Variants in PSME4 observed in about 807,000 individuals in gnomAD.
PSME4 encodes proteasome activator subunit 4.
In PSME4, 89 loss-of-function variants were observed where a neutral mutation model predicts 253.9. That is an observed-to-expected ratio of 0.35 (90% CI 0.30 to 0.42). The LOEUF (loss-of-function observed/expected upper bound fraction) is 0.42. Ranked by LOEUF, PSME4 falls within the 10% of genes least tolerant of loss-of-function variation. The pLI is 1.00. For synonymous variants in PSME4, 851 were observed against 759.2 expected (o/e 1.12, Z -1.99); for missense variants, 2,014 against 2,195.2 (o/e 0.92, Z 1.65).
At chr2:53,896,752 AT>A (rs1680155198) in intron 32 of PSME4, 51 bp downstream of exon 32, 2 of 1,422,146 alleles carry the variant, frequency 1.4e-6, no homozygotes, top group Admixed American at 1.8e-5. Context: ...TGTCAAGAAA[AT>A]TTTCTGAGTT....
rs1423540686 is a variant in PSME4, at chr2:53,932,649, G to A, written c.1050+19C>T. ...CTTTAAAAATTCCAAGCCCTATAATGCAAAACGAAGTTACTCACCAGCCAG... is the reference window on the plus strand; with the variant it reads ...CTTTAAAAATTCCAAGCCCTATAATACAAAACGAAGTTACTCACCAGCCAG... On this transcript the variant is annotated intron_variant, in intron 9 of 46. Coordinates refer to ENST00000404125, the MANE Select transcript of PSME4 (RefSeq NM_014614.3). The A allele has an allele frequency of 6.3e-7, 1 of 1,580,952 alleles. No homozygotes were observed. The highest frequency in any genetic ancestry group is 1.1e-5 in the South Asian group (1 of 90,396).
intron 21 of PSME4, 146 bp from the exon 22 acceptor site, chr2:53,908,986 G>T: frequency 1.8e-6 from 1 of 541,398 alleles, no homozygotes; most frequent in Non-Finnish European, 3.3e-6. Context: ...TTAATGGCTA[G>T]GCATGCTACA....
At position 53,906,839 on chromosome 2, in the gene PSME4, T is replaced by C; in HGVS notation, c.2814A>G (p.Ala938=). The C allele has an allele frequency of 6.2e-7, 1 of 1,613,688 alleles. No homozygotes were observed. Among genetic ancestry groups the C allele is most frequent in the Non-Finnish European group, 8.5e-7 (1 of 1,179,832 alleles). ...RLHGKKQHIR[A]LLIDRVMLQH... ...GTAACATTACTCTATCAATCAACAGTGCTCTGATATGTTGTTTTTTCCCAT... is the reference window on the plus strand; with the variant it reads ...GTAACATTACTCTATCAATCAACAGCGCTCTGATATGTTGTTTTTTCCCAT... Residue 938 remains alanine (A), a synonymous_variant, in exon 25 of 47, where the codon GCA becomes GCG. Coordinates refer to ENST00000404125, the MANE Select transcript of PSME4 (RefSeq NM_014614.3).
intron 20 of PSME4, among the ~76,000 whole-genome samples, chr2:53,912,333 A>G (rs1298789177): frequency 6.6e-6 from 1 of 152,240 alleles, no homozygotes; most frequent in Non-Finnish European, 1.5e-5. Flanking sequence ...TATAGGACAT[A>G]TCTGGGTAGT....
At chr2:53,888,870 T>C in intron 37 of PSME4, 58 bp from the exon 38 acceptor site, 2 of 1,271,530 alleles carry the variant, frequency 1.6e-6, no homozygotes, top group Non-Finnish European at 2.3e-6. Context: ...TGTAAACAAA[T>C]CATACTCAGT....
At chr2:53,906,927 G>C in intron 24 of PSME4, 59 bp from the exon 25 acceptor site, 1 of 1,499,286 alleles carries the variant, frequency 6.7e-7, no homozygotes, top group Non-Finnish European at 9.3e-7. Flanking sequence ...TTCAACAATG[G>C]ATGCCTCTAA....
At chr2:53,909,063 G>GAAAAATAATAATAATA (rs968127020) in intron 21 of PSME4, among the ~76,000 whole-genome samples, 1 of 151,408 alleles carries the variant, frequency 6.6e-6, no homozygotes, top group African/African-American at 2.4e-5. Context: ...TCAAGATAAA[G>GAAAAATAATAATAATA]AAAAATAATA....
intron 29 of PSME4, among the ~76,000 whole-genome samples, chr2:53,898,797 G>A (rs920050211): frequency 4.6e-5 from 7 of 152,104 alleles, no homozygotes; most frequent in African/African-American, 9.7e-5. Context: ...ATCAAGTTAG[G>A]AAGACTCTTG....
rs151141223 is a variant in PSME4, at chr2:53,874,249, T to G, written c.5100+90A>C. The G allele has an allele frequency of 8.8e-3, 11,381 of 1,298,538 alleles. 79 individuals are homozygous for G. The highest frequency in any genetic ancestry group is 0.011 in the South Asian group (819 of 71,252). The allele number at this position is 1,298,538 out of a possible 1,614,324, so 80.4% of individuals were successfully genotyped here. On this transcript the variant is annotated intron_variant, in intron 43 of 46. Coordinates refer to ENST00000404125, the MANE Select transcript of PSME4 (RefSeq NM_014614.3). ...AGTTGAGGTTATAAATATAAACAAT[T>G]GCACCTGGCCGCAAATACTTATTAA...
intron 41 of PSME4, among the ~76,000 whole-genome samples, chr2:53,883,377 G>T (rs548120510): frequency 6.6e-6 from 1 of 152,120 alleles, no homozygotes; most frequent in African/African-American, 2.4e-5. Flanking sequence ...ATGCATGCCC[G>T]TAGTCCCAGC....
intron 20 of PSME4, among the ~76,000 whole-genome samples, chr2:53,914,519 T>A (rs1667968572): frequency 6.6e-6 from 1 of 152,120 alleles, no homozygotes; most frequent in Admixed American, 6.5e-5. Flanking sequence ...AAGAAAAAAA[T>A]TTATCCTTAA....
At chr2:53,933,724 T>A (rs942084532) in intron 8 of PSME4, among the ~76,000 whole-genome samples, 8 of 152,232 alleles carry the variant, frequency 5.3e-5, no homozygotes, top group African/African-American at 1.9e-4. Context: ...CAATGAGAAC[T>A]GTGTGAGAAA....
At chr2:53,927,560 A>ATTT in intron 11 of PSME4, 77 bp from the exon 12 acceptor site, 1 of 992,802 alleles carries the variant, frequency 1.0e-6, no homozygotes, top group Non-Finnish European at 1.6e-6. Flanking sequence ...AACTACAATA[A>ATTT]ATTACCCCAA....
chr2:53,921,181 T>G (rs1668297640), intron 17 of PSME4, 77 bp from the exon 18 acceptor site: 1 of 1,587,952 alleles, frequency 6.3e-7, no homozygotes, highest in Non-Finnish European at 8.5e-7. Flanking sequence ...AAGTTCAATG[T>G]TTGGCCACTA....
intron 9 of PSME4, 65 bp from the exon 10 acceptor site, chr2:53,932,165 C>A: frequency 7.0e-7 from 1 of 1,435,498 alleles, no homozygotes. Context: ...TTCATGGTTG[C>A]TCTCTAGCTT....
In PSME4 at chr2:53,949,228, T is replaced by C. The variant is rs751939747; in HGVS notation, c.298A>G (p.Lys100Glu). The change falls in exon 2 of 47, where the codon AAG becomes GAG. Residue 100 changes from lysine (K) to glutamate (E), a missense_variant. Coordinates refer to ENST00000404125, the MANE Select transcript of PSME4 (RefSeq NM_014614.3). ...ATTGATACCAGCTCATACAATAACTTAATAAAAAGAACATGATCTTCTTTG... is the reference window on the plus strand; with the variant it reads ...ATTGATACCAGCTCATACAATAACTCAATAAAAAGAACATGATCTTCTTTG... ...FSKEDHVLFIKLLYELVSIPK... is the reference protein window; with the variant it reads ...FSKEDHVLFIELLYELVSIPK... The C allele has an allele frequency of 1.9e-6, 3 of 1,610,736 alleles. No individual in the cohort carries two copies. The highest frequency in any genetic ancestry group is 1.7e-5 in the Admixed American group (1 of 59,612).
At position 53,949,252 on chromosome 2, in the gene PSME4, T is replaced by G; in HGVS notation, c.274A>C (p.Lys92Gln). The change falls in exon 2 of 47, where the codon AAA (lysine) becomes CAA (glutamine). Residue 92 changes from lysine to glutamine, a missense_variant. Coordinates refer to ENST00000404125, the MANE Select transcript of PSME4 (RefSeq NM_014614.3). ...YIRLYGRKFS[K>Q]EDHVLFIKLL... The stretch of plus-strand genomic sequence containing the variant: ...TTAATAAAAAGAACATGATCTTCTT[T>G]GCTAAATTTTCTCCCATAAAGTCGA... 6.2e-7 allele frequency: 1 copy of G among 1,605,336 alleles called. No individual in the cohort carries two copies. The highest frequency in any genetic ancestry group is 1.1e-5 in the South Asian group (1 of 88,670).
chr2:53,913,525 C>T (rs1667922986), intron 20 of PSME4, among the ~76,000 whole-genome samples: 1 of 152,162 alleles, frequency 6.6e-6, no homozygotes. Context: ...TTCCCAATAA[C>T]CCTTCCCCTT....
intron 8 of PSME4, 143 bp downstream of exon 8, chr2:53,934,462 T>G: frequency 2.6e-6 from 2 of 780,600 alleles, no homozygotes; most frequent in Non-Finnish European, 3.9e-6. Flanking sequence ...TTGATAAACA[T>G]GAGCTTGCTA....
Sources: allele counts gnomAD v4.1 joint callset (sites outside exome capture counted in the v4.1 genomes callset), GRCh38; gene constraint gnomAD v4.1.1; transcripts MANE v1.5; gene names NCBI Gene and HGNC (gene_info 2026-07-23, HGNC 2026-07-21).